The following DPY19L3 variants were observed in gnomAD, a reference collection of about 807,000 sequenced individuals.
DPY19L3 encodes the protein protein C-mannosyl-transferase DPY19L3.
Under a neutral mutation model 92.3 loss-of-function variants are expected in DPY19L3, and 51 were observed. The observed-to-expected ratio is 0.55, with a 90% CI of 0.44 to 0.70. DPY19L3 has a LOEUF of 0.70. DPY19L3 is among the 30% of genes least tolerant of loss of function. The pLI is 0.00. For synonymous variants in DPY19L3, 309 were observed against 315.2 expected (o/e 0.98, Z 0.21); for missense variants, 706 against 855.9 (o/e 0.82, Z 2.18).
chr19:32,479,641 G>T, intron 17 of DPY19L3: 1 of 422,624 alleles, frequency 2.4e-6, no homozygotes, highest in South Asian at 1.7e-5. Flanking sequence ...AACAAAGGAG[G>T]CAGTGCCTCT....
At position 32,439,915 on chromosome 19, in the gene DPY19L3, G is replaced by A. The variant is rs1203802863; in HGVS notation, c.855+5G>A. 2.5e-6 allele frequency: 4 copies of A among 1,611,100 alleles called. No homozygotes were observed. The highest frequency in any genetic ancestry group is 3.4e-6 in the Non-Finnish European group (4 of 1,179,104). The stretch of plus-strand genomic sequence containing the variant: ...GACATGCTGCCAGCAGTGAAGGTGA[G>A]CTTTGCTTTCTTTTCTCACTTGAGA... On this transcript the variant is annotated splice_donor_5th_base_variant and intron_variant, in intron 8 of 18. Transcript: ENST00000392250.
At chr19:32,462,490 A>T (rs188831824) in intron 12 of DPY19L3, among the ~76,000 whole-genome samples, 44 of 151,408 alleles carry the variant, frequency 2.9e-4, no homozygotes, top group Admixed American at 2.6e-3. Flanking sequence ...ACTGTGCATC[A>T]TAACCCCGTG....
At position 32,411,270 on chromosome 19, in the gene DPY19L3, G is replaced by A. The variant is rs1968171443; in HGVS notation, c.135G>A (p.Leu45=). The A allele has an allele frequency of 1.2e-6, 2 of 1,612,540 alleles. No individual in the cohort carries two copies. The highest frequency in any genetic ancestry group is 1.7e-6 in the Non-Finnish European group (2 of 1,179,914). ...CCAGTAGAAGATTATGGAAGATTTTGTCATTGACAATTGGTGGAACCATTG... is the reference window on the plus strand; with the variant it reads ...CCAGTAGAAGATTATGGAAGATTTTATCATTGACAATTGGTGGAACCATTG... The part of the protein sequence containing the change: ...GCTSRRLWKI[L]SLTIGGTIAL... Residue 45 remains leucine, a synonymous_variant, in exon 3 of 19, where the codon TTG becomes TTA. Coordinates refer to ENST00000392250, the MANE Select transcript of DPY19L3 (RefSeq NM_001172774.2).
chr19:32,455,527 C>T (rs1242374749), intron 10 of DPY19L3, among the ~76,000 whole-genome samples: 1 of 151,432 alleles, frequency 6.6e-6, no homozygotes, highest in Non-Finnish European at 1.5e-5. Context: ...TTTTTAGTAC[C>T]GTAATATACA....
At chr19:32,481,821 A>C (rs1309263005) in intron 18 of DPY19L3, 4 of 431,318 alleles carry the variant, frequency 9.3e-6, no homozygotes, top group East Asian at 3.9e-5. Context: ...GAGAGCAAGC[A>C]GACCTGAGTT....
intron 12 of DPY19L3, among the ~76,000 whole-genome samples, chr19:32,462,285 C>T (rs1333893469): frequency 6.6e-6 from 1 of 152,074 alleles, no homozygotes; most frequent in Non-Finnish European, 1.5e-5. Flanking sequence ...AGCGTGGAAA[C>T]ACAGGACCAA....
intron 10 of DPY19L3, 107 bp from the exon 11 acceptor site, chr19:32,457,993 C>A: frequency 1.2e-6 from 1 of 808,832 alleles, no homozygotes; most frequent in Non-Finnish European, 2.0e-6. Context: ...TGTACACCCA[C>A]ACGCTCCTGT....
intron 4 of DPY19L3, 38 bp downstream of exon 4, chr19:32,432,844 A>AT: frequency 1.9e-6 from 3 of 1,580,162 alleles, no homozygotes; most frequent in Non-Finnish European, 2.6e-6. Context: ...GGTCTCCTGC[A>AT]TTTTTTTCAA....
chr19:32,468,115 CA>C, intron 15 of DPY19L3: 1 of 977,954 alleles, frequency 1.0e-6, no homozygotes, highest in Non-Finnish European at 1.2e-6. Context: ...AGCCAGGGTC[CA>C]GGTTGTAGCT....
chr19:32,462,513 C>CA (rs59292050), intron 12 of DPY19L3, among the ~76,000 whole-genome samples: 25 of 151,690 alleles, frequency 1.6e-4, no homozygotes, highest in Non-Finnish European at 3.2e-4. Context: ...GTGTTCTTGC[C>CA]AAAAAAATGA....
chr19:32,454,906 TAAG>T, intron 9 of DPY19L3, 30 bp from the exon 10 acceptor site: 1 of 1,370,062 alleles, frequency 7.3e-7, no homozygotes, highest in South Asian at 1.3e-5. Flanking sequence ...TATTAAAACT[TAAG>T]AATTAAAACA....
intron 3 of DPY19L3, chr19:32,412,480 A>T (rs924208710): frequency 6.7e-6 from 1 of 150,254 alleles, no homozygotes; most frequent in Non-Finnish European, 1.5e-5. Context: ...AAAAGGAAAT[A>T]AAAAAGCCAC....
At chr19:32,478,136 C>G (rs1326567110) in intron 17 of DPY19L3, among the ~76,000 whole-genome samples, 1 of 152,164 alleles carries the variant, frequency 6.6e-6, no homozygotes, top group Non-Finnish European at 1.5e-5. Flanking sequence ...GAGGGGAAAT[C>G]AGAACGTAAG....
chr19:32,475,281 G>C (rs1461781097), intron 16 of DPY19L3, among the ~76,000 whole-genome samples: 1 of 152,208 alleles, frequency 6.6e-6, no homozygotes, highest in African/African-American at 2.4e-5. Flanking sequence ...TTCGTCTTTT[G>C]TGTAGAAGGC....
intron 3 of DPY19L3, among the ~76,000 whole-genome samples, chr19:32,415,790 G>A (rs1451601229): frequency 1.3e-5 from 2 of 152,062 alleles, no homozygotes; most frequent in Admixed American, 6.6e-5. Flanking sequence ...CATTGAATAC[G>A]ACATAGAACT....
chr19:32,455,016 A>C lies in DPY19L3; in HGVS notation c.1065A>C (p.Thr355=), dbSNP rs780791846. ...LLHLFMVLCL[T]LFLNNIIKKI... is the part of the protein sequence containing the mutation. ...ATTTATTTATGGTTTTATGTTTGAC[A>C]CTTTTTCTCAACAACATAATTAAGG... Residue 355 remains threonine, a synonymous_variant, in exon 10 of 19, where the codon ACA becomes ACC. Transcript: ENST00000392250. The C allele has an allele frequency of 2.6e-6, 4 of 1,564,582 alleles. No homozygotes were observed. The South Asian group carries it at 3.6e-5, about 14-fold the overall frequency.
chr19:32,434,622 G>A (rs994279154), intron 4 of DPY19L3, among the ~76,000 whole-genome samples: 1 of 152,176 alleles, frequency 6.6e-6, no homozygotes, highest in Non-Finnish European at 1.5e-5. Flanking sequence ...TCACGCTACT[G>A]CACTCCAGCC....
intron 5 of DPY19L3, 24 bp downstream of exon 5, chr19:32,436,591 T>C (rs184390525): frequency 6.4e-4 from 918 of 1,435,798 alleles, no homozygotes; most frequent in East Asian, 2.3e-3. Context: ...TATTGAATTA[T>C]TAATATCAGA....
chr19:32,428,735 A>G (rs1344205758), intron 3 of DPY19L3, among the ~76,000 whole-genome samples: 1 of 151,852 alleles, frequency 6.6e-6, no homozygotes, highest in East Asian at 1.9e-4. Context: ...GAATGTGATC[A>G]TTTATTGTGA....
Sources: gnomAD v4.1 joint callset for allele counts (sites outside exome capture counted in the v4.1 genomes callset) on GRCh38, gnomAD v4.1.1 for gene constraint, MANE v1.5 for transcripts, NCBI Gene and HGNC (gene_info 2026-07-23, HGNC 2026-07-21) for gene names.